Variants in TIAM1 observed in about 807,000 individuals in gnomAD.
The protein encoded by TIAM1 is TIAM Rac1 associated GEF 1.
Under a neutral mutation model 163.5 loss-of-function variants are expected in TIAM1, and 65 were observed. The ratio of observed to expected loss-of-function variants is 0.40; its 90% CI spans 0.33 to 0.49. The LOEUF (loss-of-function observed/expected upper bound fraction) is 0.49. TIAM1 is among the 20% of genes least tolerant of loss of function. The pLI is 0.77. For missense variants in TIAM1, 1,789 were observed against 2,044.7 expected (o/e 0.87, Z 2.41); for synonymous variants, 833 against 810.1 (o/e 1.03, Z -0.48).
At chr21:31,254,787 G>A (rs894704928) in intron 4 of TIAM1, among the ~76,000 whole-genome samples, 1 of 152,128 alleles carries the variant, frequency 6.6e-6, no homozygotes, top group Non-Finnish European at 1.5e-5. Flanking sequence ...TTCAGCAAAA[G>A]CTGAGTGACT....
chr21:31,206,297 T>A (rs1176049320), intron 11 of TIAM1, among the ~76,000 whole-genome samples: 1 of 152,200 alleles, frequency 6.6e-6, no homozygotes, highest in African/African-American at 2.4e-5. Flanking sequence ...TTAAATCAGA[T>A]CATCAGAACG....
intron 1 of TIAM1, among the ~76,000 whole-genome samples, chr21:31,544,457 C>T (rs2048422258): frequency 6.7e-6 from 1 of 149,302 alleles, no homozygotes; most frequent in South Asian, 2.2e-4. Flanking sequence ...GGTGAAACCC[C>T]ACCCCTACAA....
chr21:31,489,578 C>CA (rs2046397542), intron 1 of TIAM1, among the ~76,000 whole-genome samples: 1 of 151,134 alleles, frequency 6.6e-6, no homozygotes, highest in African/African-American at 2.4e-5. Flanking sequence ...CAGACCCCCC[C>CA]CCCCTTGGCA....
intron 1 of TIAM1, among the ~76,000 whole-genome samples, chr21:31,478,481 C>T (rs1444796217): frequency 2.0e-5 from 3 of 152,224 alleles, no homozygotes; most frequent in African/African-American, 2.4e-5. Context: ...AAAGTCACAT[C>T]GTAATACATA....
intron 2 of TIAM1, chr21:31,452,843 C>T (rs2044921204): frequency 1.9e-6 from 1 of 525,412 alleles, no homozygotes; most frequent in African/African-American, 1.9e-5. Context: ...CTACGATAGT[C>T]AAAGACTATC....
intron 5 of TIAM1, among the ~76,000 whole-genome samples, chr21:31,251,259 G>GA (rs1461548486): frequency 6.6e-6 from 1 of 152,188 alleles, no homozygotes. Flanking sequence ...TGTGAAAAGA[G>GA]AAAATCAAAC....
intron 2 of TIAM1, among the ~76,000 whole-genome samples, chr21:31,432,091 CTTTTTTTTTTTTT>C (rs11291911): frequency 3.2e-5 from 3 of 93,664 alleles, no homozygotes; most frequent in Admixed American, 1.3e-4. Flanking sequence ...TCTAAGATTC[CTTTTTTTTTTTTT>C]TTTTTTTTTT....
In TIAM1 at chr21:31,131,050, C is replaced by T. The variant is rs2082396313; in HGVS notation, c.3884-102G>A. ...ATAAACACTACAGTTATGAAGAGGA[C>T]GTTGAGATCCCAGTTAACTGACTCC... On this transcript the variant is annotated intron_variant, in intron 23 of 27. Transcript: ENST00000541036. 1.8e-5 allele frequency: 16 copies of T among 911,470 alleles called. No homozygotes were observed. The Admixed American group carries it at 1.8e-4, about 10-fold the overall frequency. 56.5% of individuals were successfully genotyped at this position (911,470 alleles called of 1,614,324 possible).
intron 2 of TIAM1, among the ~76,000 whole-genome samples, chr21:31,400,902 C>A (rs1162995781): frequency 6.6e-6 from 1 of 151,946 alleles, no homozygotes; most frequent in Non-Finnish European, 1.5e-5. Flanking sequence ...ACCAGCCTGA[C>A]CAACATGGAG....
At chr21:31,479,299 A>G (rs1373378755) in intron 1 of TIAM1, among the ~76,000 whole-genome samples, 1 of 152,172 alleles carries the variant, frequency 6.6e-6, no homozygotes, top group Non-Finnish European at 1.5e-5. Context: ...ATTTAAAAAA[A>G]CTCTAAAATC....
chr21:31,538,700 C>G (rs2048218875), intron 1 of TIAM1, among the ~76,000 whole-genome samples: 1 of 152,140 alleles, frequency 6.6e-6, no homozygotes, highest in Admixed American at 6.6e-5. Context: ...ATGGACATGA[C>G]AATGTTTTCA....
intron 6 of TIAM1, among the ~76,000 whole-genome samples, chr21:31,231,285 C>G (rs1196079094): frequency 2.6e-5 from 4 of 152,274 alleles, no homozygotes; most frequent in African/African-American, 9.6e-5. Flanking sequence ...CTAATTCTAT[C>G]CATCCTGACT....
At chr21:31,340,794 C>CA (rs919273839) in intron 1 of TIAM1, among the ~76,000 whole-genome samples, 41 of 127,358 alleles carry the variant, frequency 3.2e-4, no homozygotes, top group South Asian at 7.5e-4. Context: ...TAAAGGCAGG[C>CA]AAAAAAAAAG....
At chr21:31,223,346 C>T in intron 8 of TIAM1, 60 bp downstream of exon 8, 1 of 1,513,352 alleles carries the variant, frequency 6.6e-7, no homozygotes. Flanking sequence ...CTTGTCAAGT[C>T]CTGCTCAGGA....
chr21:31,140,808 A>G (rs938722725), intron 22 of TIAM1, among the ~76,000 whole-genome samples: 7 of 152,162 alleles, frequency 4.6e-5, no homozygotes, highest in African/African-American at 1.7e-4. Flanking sequence ...CTTTCATGAC[A>G]TTTCTAGAAA....
chr21:31,342,230 A>G (rs1390971229), intron 1 of TIAM1, among the ~76,000 whole-genome samples: 1 of 152,116 alleles, frequency 6.6e-6, no homozygotes. Flanking sequence ...GGATCACTTG[A>G]GCCCAGGAGC....
At chr21:31,550,671 T>A (rs529589668) in intron 1 of TIAM1, among the ~76,000 whole-genome samples, 6 of 152,034 alleles carry the variant, frequency 3.9e-5, no homozygotes, top group Non-Finnish European at 7.4e-5. Flanking sequence ...AAACAATCTA[T>A]AGAGAAAACC....
rs550615386 is a variant in TIAM1 at position 31,489,273 on chromosome 21, C to T, written c.-421-25238G>A. Among the ~76,000 whole-genome samples, 8 of 146,702 alleles carry T rather than the reference C, an allele frequency of 5.5e-5. No individual in the cohort carries two copies. The South Asian group carries it at 8.8e-4, about 16-fold the overall frequency. ...CAGTCCCAGCTACTTGGGAGGCTGACGGAGGAGGATGGCTTGAACCCAGGA... is the reference window on the plus strand; with the variant it reads ...CAGTCCCAGCTACTTGGGAGGCTGATGGAGGAGGATGGCTTGAACCCAGGA... On this transcript the variant is annotated intron_variant, in intron 1 of 28. Coordinates refer to the TIAM1 transcript ENST00000286827.
At chr21:31,475,062 T>TTATTATTATTA (rs374227573) in intron 1 of TIAM1, among the ~76,000 whole-genome samples, 7,365 of 75,802 alleles carry the variant, frequency 0.097, 290 homozygotes, top group Non-Finnish European at 0.11. Flanking sequence ...ATTATTATTA[T>TTATTATTATTA]TTAGTTTTAG....
Sources: allele counts gnomAD v4.1 joint callset (sites outside exome capture counted in the v4.1 genomes callset), GRCh38; gene constraint gnomAD v4.1.1; transcripts MANE v1.5; gene names NCBI Gene and HGNC (gene_info 2026-07-23, HGNC 2026-07-21).